Variants in SAMMSON observed in about 807,000 individuals in gnomAD.
The protein encoded by SAMMSON is survival associated mitochondrial melanoma specific oncogenic non-coding RNA.
At chr3:70,237,743 G>A (rs1701624140) in intron 4 of SAMMSON, among the ~76,000 whole-genome samples, 1 of 152,166 alleles carries the variant, frequency 6.6e-6, no homozygotes, top group Non-Finnish European at 1.5e-5. Context: ...TACCTCAATG[G>A]GCTTTGAATA....
chr3:70,290,112 T>G (rs1454618476), intron 6 of SAMMSON, among the ~76,000 whole-genome samples: 1 of 152,240 alleles, frequency 6.6e-6, no homozygotes, highest in South Asian at 2.1e-4. Context: ...AGGAGCTGCG[T>G]TCCTTTGTAG....
intron 7 of SAMMSON, among the ~76,000 whole-genome samples, chr3:70,292,865 A>G (rs559195966): frequency 6.6e-6 from 1 of 152,128 alleles, no homozygotes; most frequent in Non-Finnish European, 1.5e-5. Context: ...TTACCTTGAT[A>G]GAAATACTAT....
chr3:70,372,160 C>A (rs1559575026), intron 9 of SAMMSON, among the ~76,000 whole-genome samples: 1 of 151,916 alleles, frequency 6.6e-6, no homozygotes, highest in Non-Finnish European at 1.5e-5. Context: ...TCCTAGTTTG[C>A]TGAGAGTTTT....
At chr3:70,167,063 T>C (rs2067640209) in intron 4 of SAMMSON, among the ~76,000 whole-genome samples, 1 of 152,046 alleles carries the variant, frequency 6.6e-6, no homozygotes, top group Admixed American at 6.6e-5. Flanking sequence ...ATTTTAATAC[T>C]ACATTTTATT....
chr3:70,373,753 G>A (rs1313996930), intron 9 of SAMMSON, among the ~76,000 whole-genome samples: 1 of 151,944 alleles, frequency 6.6e-6, no homozygotes, highest in Non-Finnish European at 1.5e-5. Context: ...CCTATTTACT[G>A]AGTTTTTAAA....
chr3:70,001,575 T>TGCAAAAGAA (rs1373393018), intron 1 of SAMMSON, among the ~76,000 whole-genome samples: 4 of 152,208 alleles, frequency 2.6e-5, no homozygotes, highest in Non-Finnish European at 5.9e-5. Context: ...CATTATTCTT[T>TGCAAAAGAA]TAACAGTATG....
At chr3:70,319,075 C>T (rs1217793615) in intron 7 of SAMMSON, among the ~76,000 whole-genome samples, 2 of 152,072 alleles carry the variant, frequency 1.3e-5, no homozygotes, top group Admixed American at 1.3e-4. Flanking sequence ...ATTCAAGTCT[C>T]ATCCTTTGTA....
intron 7 of SAMMSON, among the ~76,000 whole-genome samples, chr3:70,335,051 T>C (rs1702650764): frequency 1.2e-5 from 1 of 84,574 alleles, no homozygotes; most frequent in Non-Finnish European, 2.4e-5. Flanking sequence ...CCCATAAACC[T>C]ACTGCTTTGG....
chr3:70,047,805 G>C (rs1283516066), intron 3 of SAMMSON, among the ~76,000 whole-genome samples: 1 of 152,090 alleles, frequency 6.6e-6, no homozygotes, highest in Non-Finnish European at 1.5e-5. Context: ...GGCAGAAAGC[G>C]GAAGGGCAAG....
At chr3:70,166,812 A>G (rs1045588436) in intron 4 of SAMMSON, among the ~76,000 whole-genome samples, 2 of 151,968 alleles carry the variant, frequency 1.3e-5, no homozygotes, top group African/African-American at 4.8e-5. Context: ...ATTGATGTCC[A>G]TGGTTTGTAC....
intron 4 of SAMMSON, among the ~76,000 whole-genome samples, chr3:70,156,737 T>C (rs1286670544): frequency 2.6e-5 from 4 of 152,074 alleles, no homozygotes; most frequent in African/African-American, 9.7e-5. Flanking sequence ...AATGTCTGAT[T>C]TTTTTTCTTT....
rs201139072 is a variant in SAMMSON at position 70,274,463 on chromosome 3, A to G, written n.675-16716A>G. On this transcript the variant is annotated intron_variant and non_coding_transcript_variant, in intron 6 of 9. Coordinates refer to ENST00000642114, the Ensembl canonical transcript of SAMMSON. Reference sequence around the variant, plus strand: ...TCAGTGTTACAAGATATATTTGAAAAGTATTTTTCTCCAAATAATTAATGT... The same window carrying G: ...TCAGTGTTACAAGATATATTTGAAAGGTATTTTTCTCCAAATAATTAATGT... Among the ~76,000 whole-genome samples, 5 of 151,970 alleles carry G rather than the reference A, an allele frequency of 3.3e-5. No individual in the cohort carries two copies. In the East Asian group the frequency reaches 5.8e-4, roughly 18 times the overall value.
At chr3:70,349,976 TTC>T (rs1270667607) in intron 7 of SAMMSON, among the ~76,000 whole-genome samples, 1 of 152,218 alleles carries the variant, frequency 6.6e-6, no homozygotes, top group African/African-American at 2.4e-5. Flanking sequence ...CACAGCACTC[TTC>T]TATTAGAAAG....
chr3:70,320,420 T>C (rs1340163399), intron 7 of SAMMSON, among the ~76,000 whole-genome samples: 2 of 152,046 alleles, frequency 1.3e-5, no homozygotes, highest in African/African-American at 4.8e-5. Flanking sequence ...ATTTGCAAGT[T>C]TGTTTTCTAC....
At chr3:70,265,184 CA>C (rs1479405345) in intron 6 of SAMMSON, among the ~76,000 whole-genome samples, 1 of 152,114 alleles carries the variant, frequency 6.6e-6, no homozygotes, top group Non-Finnish European at 1.5e-5. Flanking sequence ...CAAACCATAT[CA>C]GGGGGAGAAT....
chr3:70,328,707 A>C (rs1444749068), intron 7 of SAMMSON, among the ~76,000 whole-genome samples: 3 of 152,190 alleles, frequency 2.0e-5, no homozygotes, highest in Non-Finnish European at 4.4e-5. Flanking sequence ...ATATATGAGT[A>C]ATTGACACCC....
intron 4 of SAMMSON, among the ~76,000 whole-genome samples, chr3:70,141,022 T>G (rs2067525716): frequency 1.3e-5 from 2 of 152,098 alleles, no homozygotes; most frequent in African/African-American, 4.8e-5. Context: ...GGTTTTTTTT[T>G]GTTTTTGTTT....
At chr3:70,244,008 C>T (rs1701682881) in intron 4 of SAMMSON, among the ~76,000 whole-genome samples, 1 of 152,134 alleles carries the variant, frequency 6.6e-6, no homozygotes, top group African/African-American at 2.4e-5. Context: ...TTTCATCTCC[C>T]CTCTACGCAA....
intron 3 of SAMMSON, among the ~76,000 whole-genome samples, chr3:70,059,290 C>G (rs982208199): frequency 6.6e-6 from 1 of 151,944 alleles, no homozygotes; most frequent in Non-Finnish European, 1.5e-5. Flanking sequence ...AAATTTAGTT[C>G]CTGTAGTAGC....
Sources: gnomAD v4.1 joint callset for allele counts (sites outside exome capture counted in the v4.1 genomes callset) on GRCh38, gnomAD v4.1.1 for gene constraint, MANE v1.5 for transcripts, NCBI Gene and HGNC (gene_info 2026-07-23, HGNC 2026-07-21) for gene names.